Variants in EZR observed in about 807,000 individuals in gnomAD.
EZR encodes ezrin, also known as cytovillin 2.
EZR carries 40 observed loss-of-function variants against 74.8 expected under a neutral mutation model. The observed-to-expected ratio is 0.53, with a 90% CI of 0.42 to 0.70. EZR has a LOEUF of 0.70. Ranked by LOEUF, EZR falls within the 30% of genes least tolerant of loss-of-function variation. The probability of loss-of-function intolerance (pLI) is 0.00; values close to 1 mark genes in which losing one functional copy is unlikely to be tolerated. For synonymous variants in EZR, 341 were observed against 283.3 expected (o/e 1.20, Z -2.05); for missense variants, 678 against 755.8 (o/e 0.90, Z 1.21).
intron 2 of EZR, among the ~76,000 whole-genome samples, chr6:158,798,275 G>A (rs1777116041): frequency 6.6e-6 from 1 of 152,102 alleles, no homozygotes; most frequent in Non-Finnish European, 1.5e-5. Context: ...TTGCAAATAA[G>A]AAACAGCTGA....
chr6:158,783,578 T>C lies in EZR; in HGVS notation c.640A>G (p.Thr214Ala), dbSNP rs1562495761. 1 of 1,613,688 alleles carries C rather than the reference T, an allele frequency of 6.2e-7. No individual in the cohort carries two copies. Among genetic ancestry groups the C allele is most frequent in the Non-Finnish European group, 8.5e-7 (1 of 1,179,884 alleles). ...NYFEIKNKKG[T>A]DLWLGVDALG... ...GCATCAACTCCAAGCCAAAGGTCTG[T>C]TCCTTTCTTGTTTTTTATCTCGAAA... Residue 214 changes from threonine (T) to alanine (A), a missense_variant, in exon 7 of 14, where the codon ACA (threonine) becomes GCA (alanine). Physicochemically the swap from Thr to Ala is moderately conservative, Grantham distance 58. Transcript: ENST00000367075.
At chr6:158,783,066 G>A (rs539992384) in intron 7 of EZR, among the ~76,000 whole-genome samples, 1 of 152,266 alleles carries the variant, frequency 6.6e-6, no homozygotes, top group South Asian at 2.1e-4. Flanking sequence ...TAGCTCAAGT[G>A]TCTACACGTA....
chr6:158,791,399 C>T (rs1346801564), intron 2 of EZR, among the ~76,000 whole-genome samples: 5 of 152,076 alleles, frequency 3.3e-5, no homozygotes, highest in Non-Finnish European at 5.9e-5. Flanking sequence ...AATAAAAGCA[C>T]GCATTTCTCT....
intron 7 of EZR, among the ~76,000 whole-genome samples, chr6:158,783,184 G>C (rs994876984): frequency 1.3e-5 from 2 of 151,830 alleles, no homozygotes; most frequent in African/African-American, 4.8e-5. Context: ...GGCTGCCTGC[G>C]AAGTAGCTAT....
chr6:158,801,427 A>G (rs755846596), intron 2 of EZR, among the ~76,000 whole-genome samples: 9 of 152,216 alleles, frequency 5.9e-5, no homozygotes, highest in Non-Finnish European at 1.2e-4. Context: ...GGCTCAGGAA[A>G]ATGTTCAGAT....
intron 2 of EZR, among the ~76,000 whole-genome samples, chr6:158,813,909 C>A (rs992389066): frequency 3.3e-5 from 5 of 152,160 alleles, no homozygotes; most frequent in African/African-American, 1.2e-4. Context: ...CCTTCCAGAG[C>A]TTAACTACAG....
At chr6:158,802,461 T>G (rs1017622244) in intron 2 of EZR, among the ~76,000 whole-genome samples, 4 of 152,254 alleles carry the variant, frequency 2.6e-5, no homozygotes, top group African/African-American at 9.6e-5. Flanking sequence ...TACAAACACC[T>G]TATAGTTTAG....
At chr6:158,773,705 C>T (rs144978750) in intron 8 of EZR, among the ~76,000 whole-genome samples, 47 of 152,314 alleles carry the variant, frequency 3.1e-4, no homozygotes, top group Non-Finnish European at 5.7e-4. Context: ...GAGGCAGCCG[C>T]GGGAGGCAAA....
At chr6:158,811,975 T>C (rs767760297) in intron 2 of EZR, among the ~76,000 whole-genome samples, 5 of 152,030 alleles carry the variant, frequency 3.3e-5, no homozygotes, top group Non-Finnish European at 7.4e-5. Context: ...CTACCATTTA[T>C]AGGGAAGGTC....
At chr6:158,779,389 C>T (rs1468786682) in intron 7 of EZR, among the ~76,000 whole-genome samples, 1 of 152,088 alleles carries the variant, frequency 6.6e-6, no homozygotes, top group Non-Finnish European at 1.5e-5. Context: ...AGAAATAGGA[C>T]ATCAGTGAGA....
chr6:158,818,329 C>G (rs1562511143), intron 1 of EZR, 163 bp from the exon 2 acceptor site: 2 of 253,526 alleles, frequency 7.9e-6, no homozygotes. Flanking sequence ...GGAGGGGGCA[C>G]GGGCGGGGCG....
intron 2 of EZR, among the ~76,000 whole-genome samples, chr6:158,814,101 C>T (rs150468803): frequency 6.6e-6 from 1 of 152,292 alleles, no homozygotes; most frequent in African/African-American, 2.4e-5. Context: ...CACAAGGCCA[C>T]ACAGCACACC....
chr6:158,804,755 CTTTT>C (rs67712417), intron 2 of EZR, among the ~76,000 whole-genome samples: 1 of 151,128 alleles, frequency 6.6e-6, no homozygotes, highest in South Asian at 2.1e-4. Context: ...TTTTTCCTTT[CTTTT>C]TTTCTTATTT....
rs181021242 is a variant in EZR, at chr6:158,782,265, G to T, written c.698+1255C>A. On this transcript the variant is annotated intron_variant, in intron 7 of 13. Transcript: ENST00000367075. ...GTCCCTGACTTGCCCAAGTGAAATA[G>T]ATCTGTGCCCTGGGGTCTGGCAGGA... Among the ~76,000 whole-genome samples, 341 of 152,310 alleles carry T rather than the reference G, an allele frequency of 2.2e-3. 2 individuals are homozygous for T. In the Middle Eastern group the frequency reaches 0.024, roughly 11 times the overall value.
At chr6:158,778,366 A>G (rs1326944769) in intron 7 of EZR, among the ~76,000 whole-genome samples, 1 of 152,162 alleles carries the variant, frequency 6.6e-6, no homozygotes, top group Non-Finnish European at 1.5e-5. Context: ...GGACTTTGAA[A>G]CCTCATATAA....
chr6:158,790,606 G>A lies in EZR; in HGVS notation c.13-1235C>T, dbSNP rs746121298. ...GGAGAATCGCTTGAACCCAGGAGGC[G>A]GAGGTTGCAGTGAGCCAAGATTGTG... is the stretch of plus-strand genomic sequence containing the variant. On this transcript the variant is annotated intron_variant, in intron 2 of 13. Transcript: ENST00000367075. Among the ~76,000 whole-genome samples, 5 of 152,142 alleles carry A rather than the reference G, an allele frequency of 3.3e-5. No individual in the cohort carries two copies. In the East Asian group the frequency reaches 5.8e-4, roughly 18 times the overall value.
chr6:158,769,186 C>T (rs1791016067), intron 12 of EZR, 140 bp downstream of exon 12: 2 of 653,028 alleles, frequency 3.1e-6, no homozygotes, highest in South Asian at 3.6e-5. Context: ...GATCATGAGA[C>T]ATCCCAGAAG....
rs1397187865 is a variant in EZR at position 158,779,351 on chromosome 6, T to C, written c.699-2847A>G. ...GAGACAGGGAGGTCTGACAACTAACTGTGTGGCTCCAGAGAGGGTCCCGGG... is the reference window on the plus strand; with the variant it reads ...GAGACAGGGAGGTCTGACAACTAACCGTGTGGCTCCAGAGAGGGTCCCGGG... On this transcript the variant is annotated intron_variant, in intron 7 of 13. Coordinates refer to ENST00000367075, the MANE Select transcript of EZR (RefSeq NM_001111077.2). 7.9e-5 allele frequency among the ~76,000 whole-genome samples: 12 copies of C among 152,046 alleles called. 1 individual carries two copies. The highest frequency in any genetic ancestry group is 1.9e-4 in the African/African-American group (8 of 41,392).
chr6:158,768,548 G>T (rs138112240), intron 12 of EZR, among the ~76,000 whole-genome samples: 1 of 152,112 alleles, frequency 6.6e-6, no homozygotes. Context: ...ACGGGCCAGC[G>T]GGTCTGTGAA....
Sources: gnomAD v4.1 joint callset for allele counts (sites outside exome capture counted in the v4.1 genomes callset) on GRCh38, gnomAD v4.1.1 for gene constraint, MANE v1.5 for transcripts, NCBI Gene and HGNC (gene_info 2026-07-23, HGNC 2026-07-21) for gene names.